Variants in MAP3K1 observed in about 807,000 individuals in gnomAD.
The protein encoded by MAP3K1 is MAP/ERK kinase kinase 1.
MAP3K1 carries 36 observed loss-of-function variants against 144.2 expected under a neutral mutation model. The observed-to-expected ratio is 0.25, with a 90% confidence interval of 0.19 to 0.33. The LOEUF (loss-of-function observed/expected upper bound fraction) is 0.33, where lower values mean the gene tolerates loss of function less well. MAP3K1 is among the 10% of genes least tolerant of loss of function. The pLI is 1.00. For synonymous variants in MAP3K1, 718 were observed against 688.7 expected (o/e 1.04, Z -0.67); for missense variants, 1,650 against 1,881.9 (o/e 0.88, Z 2.28).
At position 56,815,852 on chromosome 5, in the gene MAP3K1, G is replaced by T. The variant is rs1399944432; in HGVS notation, c.279G>T (p.Pro93=). 1.4e-6 allele frequency: 2 copies of T among 1,401,428 alleles called. No homozygotes were observed. The highest frequency in any genetic ancestry group is 6.3e-5 in the East Asian group (2 of 31,894). 86.8% of individuals were successfully genotyped at this position (1,401,428 alleles called of 1,614,324 possible). The part of the protein sequence containing the change: ...SPPASSTSPS[P]EPADAAGSGT... ...CGGCCTCCTCGACTTCCCCGTCGCC[G>T]GAGCCCGCGGACGCAGCGGGGAGTG... Residue 93 remains proline (P), a synonymous_variant, in exon 1 of 20, where the codon CCG becomes CCT. Coordinates refer to ENST00000399503, the MANE Select transcript of MAP3K1 (RefSeq NM_005921.2).
chr5:56,881,689 T>C lies in MAP3K1; in HGVS notation c.2489T>C (p.Val830Ala). ...AGTTCTGCAAGAATGGTTACTACAGTACCCCATGTGTTTTCAAAACTGTTA... is the reference window on the plus strand; with the variant it reads ...AGTTCTGCAAGAATGGTTACTACAGCACCCCATGTGTTTTCAAAACTGTTA... ...YLSSARMVTT[V>A]PHVFSKLLEM... The change falls in exon 14 of 20, where the codon GTA (valine) becomes GCA (alanine). Residue 830 changes from valine (V) to alanine (A), a missense_variant. By Grantham distance (64) the Val-to-Ala change is moderately conservative. This residue lies in a region of MAP3K1 where 841 missense variants were observed against 886.5 expected (regional missense o/e 0.95). Transcript: ENST00000399503. 1 of 1,614,138 alleles carries C rather than the reference T, an allele frequency of 6.2e-7. No homozygotes were observed. The highest frequency in any genetic ancestry group is 8.5e-7 in the Non-Finnish European group (1 of 1,179,976).
chr5:56,862,357 C>G (rs1359280018), intron 3 of MAP3K1, among the ~76,000 whole-genome samples: 2 of 152,102 alleles, frequency 1.3e-5, no homozygotes, highest in African/African-American at 2.4e-5. Context: ...GTTGCATGCC[C>G]AAACCCAGAA....
chr5:56,829,289 C>T (rs1165900365), intron 1 of MAP3K1, among the ~76,000 whole-genome samples: 2 of 151,532 alleles, frequency 1.3e-5, no homozygotes, highest in Non-Finnish European at 2.9e-5. Flanking sequence ...CTCAGTGTAT[C>T]CTTTCACTTC....
At chr5:56,831,032 AATTC>A (rs1746472660) in intron 1 of MAP3K1, among the ~76,000 whole-genome samples, 1 of 152,114 alleles carries the variant, frequency 6.6e-6, no homozygotes, top group African/African-American at 2.4e-5. Context: ...TTAAAATGTT[AATTC>A]ATTCCCATAT....
rs559789272 is a variant in MAP3K1, at chr5:56,839,743, G to T, written c.483-16857G>T. Among the ~76,000 whole-genome samples, 18 of 152,250 alleles carry T rather than the reference G, an allele frequency of 1.2e-4. No homozygotes were observed. The South Asian group carries it at 3.7e-3, about 32-fold the overall frequency. On this transcript the variant is annotated intron_variant, in intron 1 of 19. Coordinates refer to ENST00000399503, the MANE Select transcript of MAP3K1 (RefSeq NM_005921.2). ...ATGTGCACGTTAGGTTCATTGTCAT[G>T]TCTGCAAGGACCCAGACTGAGAGAA...
chr5:56,823,386 T>C (rs772392616), intron 1 of MAP3K1, among the ~76,000 whole-genome samples: 1 of 152,224 alleles, frequency 6.6e-6, no homozygotes, highest in Non-Finnish European at 1.5e-5. Flanking sequence ...TCTTAACTCA[T>C]TGACACTTCC....
intron 1 of MAP3K1, among the ~76,000 whole-genome samples, chr5:56,853,826 G>C (rs982887028): frequency 6.6e-6 from 1 of 152,194 alleles, no homozygotes; most frequent in Non-Finnish European, 1.5e-5. Context: ...CTGATGACAG[G>C]AATTGAGGTG....
intron 1 of MAP3K1, among the ~76,000 whole-genome samples, chr5:56,818,007 T>C (rs1340354877): frequency 1.3e-5 from 2 of 152,116 alleles, no homozygotes; most frequent in Non-Finnish European, 2.9e-5. Context: ...AATTGCACAG[T>C]ATAAGAAAAT....
chr5:56,854,410 C>T (rs1281135586), intron 1 of MAP3K1, among the ~76,000 whole-genome samples: 1 of 61,310 alleles, frequency 1.6e-5, no homozygotes, highest in Non-Finnish European at 3.0e-5. Context: ...CCAGTCTGGG[C>T]AACAAGAGCT....
At chr5:56,834,384 A>G (rs1487907233) in intron 1 of MAP3K1, among the ~76,000 whole-genome samples, 2 of 152,180 alleles carry the variant, frequency 1.3e-5, no homozygotes, top group African/African-American at 4.8e-5. Context: ...CTTGGAGGAA[A>G]CTGAAGAGTA....
rs1408901625 is a variant in MAP3K1, at chr5:56,882,520, C to T, written c.3320C>T (p.Pro1107Leu). ...CSSNSSNAVI[P>L]SDETVFTPVE... ...AGCAATAGTAGTAATGCTGTTATAC[C>T]CAGTGACGAGACAGTGTTCACCCCA... The change falls in exon 14 of 20, where the codon CCC (proline) becomes CTC (leucine). Residue 1107 changes from proline (P) to leucine (L), a missense_variant. Coordinates refer to ENST00000399503, the MANE Select transcript of MAP3K1 (RefSeq NM_005921.2). 6.2e-7 allele frequency: 1 copy of T among 1,613,852 alleles called. No individual in the cohort carries two copies. The highest frequency in any genetic ancestry group is 8.5e-7 in the Non-Finnish European group (1 of 1,179,930).
chr5:56,827,345 G>C (rs781565635), intron 1 of MAP3K1, among the ~76,000 whole-genome samples: 1 of 152,148 alleles, frequency 6.6e-6, no homozygotes, highest in Non-Finnish European at 1.5e-5. Context: ...TTAGGAAGTG[G>C]GTCAGGAGGC....
In MAP3K1 at chr5:56,887,254, C is replaced by T. The variant is rs935538570; in HGVS notation, c.4115-124C>T. The T allele has an allele frequency of 2.3e-5, 20 of 884,210 alleles. No homozygotes were observed. In the Admixed American group the frequency reaches 3.0e-4, roughly 13 times the overall value. 54.8% of individuals were successfully genotyped at this position (884,210 alleles called of 1,614,324 possible). On this transcript the variant is annotated intron_variant, in intron 17 of 19. Transcript: ENST00000399503. ...AAGGAAAAGAGAATAACTGTTTGCA[C>T]CTCTGACATGTAGTTCACTTCTTTC...
At chr5:56,868,506 T>G (rs567057965) in intron 6 of MAP3K1, among the ~76,000 whole-genome samples, 3 of 152,028 alleles carry the variant, frequency 2.0e-5, no homozygotes, top group Admixed American at 1.3e-4. Flanking sequence ...TGCCTCAGCC[T>G]CCCGAGTAGC....
chr5:56,879,813 A>G (rs79436415), intron 11 of MAP3K1, among the ~76,000 whole-genome samples: 123 of 152,270 alleles, frequency 8.1e-4, no homozygotes, highest in African/African-American at 2.5e-3. Context: ...GGTAGTTCCT[A>G]TTTCTTTCTA....
intron 1 of MAP3K1, among the ~76,000 whole-genome samples, chr5:56,855,247 A>G (rs1333310516): frequency 1.3e-5 from 2 of 151,802 alleles, no homozygotes; most frequent in East Asian, 3.9e-4. Context: ...ATATTTTATA[A>G]TCAGCATAAA....
intron 11 of MAP3K1, among the ~76,000 whole-genome samples, chr5:56,880,369 TTAGTGAAAGTTCAGAAA>T (rs1353227052): frequency 2.0e-5 from 3 of 152,198 alleles, no homozygotes; most frequent in Non-Finnish European, 4.4e-5. Context: ...CAAGAGCTTC[TTAGTGAAAGTTCAGAAA>T]TCAAAATATC....
intron 1 of MAP3K1, among the ~76,000 whole-genome samples, chr5:56,820,201 C>T (rs551594141): frequency 6.6e-6 from 1 of 151,904 alleles, no homozygotes; most frequent in Non-Finnish European, 1.5e-5. Flanking sequence ...CACTGCAGCC[C>T]CCTAAGATAG....
chr5:56,889,836 A>C (rs910239477), intron 19 of MAP3K1, among the ~76,000 whole-genome samples: 1 of 152,162 alleles, frequency 6.6e-6, no homozygotes, highest in Non-Finnish European at 1.5e-5. Context: ...CAGCCCACAC[A>C]GTCAGCTCCA....
Sources: gnomAD v4.1 joint callset for allele counts (sites outside exome capture counted in the v4.1 genomes callset) on GRCh38, gnomAD v4.1.1 for gene constraint, gnomAD v4.1.1 regional missense constraint, MANE v1.5 for transcripts, NCBI Gene and HGNC (gene_info 2026-07-23, HGNC 2026-07-21) for gene names.